Variants in HAS2 observed in about 807,000 individuals in gnomAD.
The protein encoded by HAS2 is HA synthase 2.
A neutral mutation model predicts 51.6 loss-of-function variants in HAS2; 16 were observed. That is an observed-to-expected ratio of 0.31 (90% confidence interval 0.21 to 0.47). The LOEUF (loss-of-function observed/expected upper bound fraction) is 0.47. Among genes scored for constraint, HAS2 ranks in the 20% least tolerant of loss-of-function variants. HAS2 has a pLI of 1.00. For missense variants in HAS2, 361 were observed against 662.6 expected (o/e 0.54, Z 5.00); for synonymous variants, 228 against 235.5 (o/e 0.97, Z 0.29).
intron 1 of HAS2, among the ~76,000 whole-genome samples, chr8:121,630,471 G>T (rs568082222): frequency 9.2e-5 from 14 of 152,112 alleles, no homozygotes; most frequent in Non-Finnish European, 1.5e-4. Context: ...TTAAAGTGGT[G>T]GTTGGCAACC....
At chr8:121,630,381 G>A (rs1201321931) in intron 1 of HAS2, among the ~76,000 whole-genome samples, 1 of 152,210 alleles carries the variant, frequency 6.6e-6, no homozygotes. Flanking sequence ...AACAACTCAA[G>A]GACAAAAGGA....
intron 2 of HAS2, among the ~76,000 whole-genome samples, chr8:121,628,105 T>TGA (rs1812877911): frequency 6.6e-6 from 1 of 152,286 alleles, no homozygotes; most frequent in African/African-American, 2.4e-5. Flanking sequence ...TTGCAGTGAG[T>TGA]GAGGTAATGC....
chr8:121,634,193 T>C (rs1812975816), intron 1 of HAS2, among the ~76,000 whole-genome samples: 1 of 152,100 alleles, frequency 6.6e-6, no homozygotes, highest in African/African-American at 2.4e-5. Context: ...TCCACCCGCC[T>C]CGGCCTCCCA....
intron 2 of HAS2, among the ~76,000 whole-genome samples, chr8:121,619,648 G>T (rs551326511): frequency 1.3e-4 from 20 of 152,224 alleles, no homozygotes; most frequent in Middle Eastern, 3.4e-3. Flanking sequence ...GAACCTAGAA[G>T]AATTCCCCCG....
intron 1 of HAS2, among the ~76,000 whole-genome samples, chr8:121,633,318 A>G (rs1234111004): frequency 6.6e-6 from 1 of 151,738 alleles, no homozygotes; most frequent in East Asian, 1.9e-4. Flanking sequence ...TGTAATTTTT[A>G]TATTTTAGTA....
intron 1 of HAS2, among the ~76,000 whole-genome samples, chr8:121,632,986 T>A (rs1812953721): frequency 6.6e-6 from 1 of 152,200 alleles, no homozygotes; most frequent in South Asian, 2.1e-4. Context: ...ATCCACACAG[T>A]GGCATAAGGC....
At chr8:121,625,968 G>A (rs552699669) in intron 2 of HAS2, among the ~76,000 whole-genome samples, 1 of 152,072 alleles carries the variant, frequency 6.6e-6, no homozygotes, top group African/African-American at 2.4e-5. Context: ...TTCTATGTCA[G>A]CATTAATTAT....
At chr8:121,633,413 G>C (rs1163981687) in intron 1 of HAS2, among the ~76,000 whole-genome samples, 1 of 152,004 alleles carries the variant, frequency 6.6e-6, no homozygotes, top group African/African-American at 2.4e-5. Flanking sequence ...CAAAGTGCTG[G>C]GATTATAGGC....
At position 121,628,888 on chromosome 8, in the gene HAS2, G is replaced by A; in HGVS notation, c.453C>T (p.Asn151=). 1 of 1,614,080 alleles carries A rather than the reference G, an allele frequency of 6.2e-7. No individual in the cohort carries two copies. Among genetic ancestry groups the A allele is most frequent in the Non-Finnish European group, 8.5e-7 (1 of 1,179,964 alleles). Residue 151 remains asparagine, a synonymous_variant, in exon 2 of 4, where the codon AAC becomes AAT. Transcript: ENST00000303924. The stretch of plus-strand genomic sequence containing the variant: ...TCTCACCGGGACCCTTTTCGTGGAA[G>A]TTGTTCTTCCAGATATAAGTGGCTG... ...DKSATYIWKN[N]FHEKGPGETD...
rs1229475473 is a variant in HAS2, at chr8:121,629,050, G to T, written c.291C>A (p.Asp97Glu). ...LCIAAYQEDP[D>E]YLRKCLQSVK... ...CAGATTGCAAACATTTCCTTAAGTA[G>T]TCTGGATCTTCTTGATAGGCAGCGA... The change falls in exon 2 of 4, where the codon GAC becomes GAA. Residue 97 changes from aspartate (D) to glutamate (E), a missense_variant. Asp to Glu is a conservative substitution (Grantham distance 45). Around this residue, in one of 5 missense-constraint regions of HAS2, gnomAD observed 145 missense variants for 217.6 expected, o/e 0.67. Transcript: ENST00000303924. 1.9e-6 allele frequency: 3 copies of T among 1,614,036 alleles called. No homozygotes were observed. Among genetic ancestry groups the T allele is most frequent in the Non-Finnish European group, 2.5e-6 (3 of 1,179,936 alleles).
rs1238913499 is a variant in HAS2, at chr8:121,613,225, C to T, written c.*884G>A. On this transcript the variant is annotated 3_prime_UTR_variant, in exon 4 of 4. Transcript: ENST00000303924. ...TTTAAATCTTAATGAAAAAATTGCA[C>T]TACCTTTGGCCTTGATTTTCAACGA... The T allele has an allele frequency of 6.6e-6, 1 of 152,026 alleles. No individual in the cohort carries two copies. Among genetic ancestry groups the T allele is most frequent in the African/African-American group, 2.4e-5 (1 of 41,386 alleles). The allele number at this position is 152,026 out of a possible 1,614,324, so 9.4% of individuals were successfully genotyped here. A position where few individuals can be genotyped will look rare whatever the true frequency, so the allele number is the denominator to read the frequency against.
chr8:121,617,069 A>G (rs1812713099), intron 3 of HAS2, 36 bp downstream of exon 3: 1 of 1,135,430 alleles, frequency 8.8e-7, no homozygotes, highest in Admixed American at 1.8e-5. Context: ...AAAGTATTTC[A>G]TGCAAAACAA....
intron 1 of HAS2, among the ~76,000 whole-genome samples, chr8:121,634,694 G>A (rs1369974828): frequency 6.6e-6 from 1 of 151,546 alleles, no homozygotes; most frequent in Non-Finnish European, 1.5e-5. Flanking sequence ...TTACTGCAGA[G>A]GCAATGAATA....
rs760864256 is a variant in HAS2, at chr8:121,629,260, T to A, written c.81A>T (p.Thr27=). 3 of 1,613,474 alleles carry A rather than the reference T, an allele frequency of 1.9e-6. No homozygotes were observed. Residue 27 remains threonine (T), a synonymous_variant, in exon 2 of 4, where the codon ACA becomes ACT. Transcript: ENST00000303924. The part of the protein sequence containing the change: ...LFGVSLLLGI[T]AAYIVGYQFI... ...ACTGGTAGCCAACAATATAAGCAGCTGTGATTCCAAGGAGGAGAGAGACTC... is the reference window on the plus strand; with the variant it reads ...ACTGGTAGCCAACAATATAAGCAGCAGTGATTCCAAGGAGGAGAGAGACTC...
intron 1 of HAS2, among the ~76,000 whole-genome samples, chr8:121,631,218 T>A (rs916484145): frequency 2.0e-5 from 3 of 152,230 alleles, no homozygotes; most frequent in African/African-American, 7.2e-5. Context: ...TGCCAAGGAC[T>A]CTTACGTTGG....
In HAS2 at chr8:121,628,901, A is replaced by G. The variant is rs1341637307; in HGVS notation, c.440T>C (p.Ile147Thr). 6.2e-7 allele frequency: 1 copy of G among 1,614,006 alleles called. No individual in the cohort carries two copies. The highest frequency in any genetic ancestry group is 8.5e-7 in the Non-Finnish European group (1 of 1,179,908). Residue 147 changes from isoleucine to threonine, a missense_variant, in exon 2 of 4, where the codon ATC (isoleucine) becomes ACC (threonine). Ile to Thr is a moderately conservative substitution (Grantham distance 89). Around this residue, in one of 5 missense-constraint regions of HAS2, gnomAD observed 145 missense variants for 217.6 expected, o/e 0.67. Coordinates refer to ENST00000303924, the MANE Select transcript of HAS2 (RefSeq NM_005328.3). ...VMGRDKSATY[I>T]WKNNFHEKGP... ...CTTTTCGTGGAAGTTGTTCTTCCAG[A>G]TATAAGTGGCTGATTTGTCTCTGCC... is the stretch of plus-strand genomic sequence containing the variant.
chr8:121,626,944 GCTCTAGC>G (rs1366070080), intron 2 of HAS2, among the ~76,000 whole-genome samples: 1 of 152,112 alleles, frequency 6.6e-6, no homozygotes, highest in Non-Finnish European at 1.5e-5. Flanking sequence ...CCTGATTAGG[GCTCTAGC>G]AGGAGGCCTA....
Position 121,640,445 on chromosome 8 carries a change from G to GT in HAS2, c.-1+407_-1+408insA, listed in dbSNP as rs1563625799. 6.2e-3 allele frequency among the ~76,000 whole-genome samples: 935 copies of GT among 150,948 alleles called. 7 individuals are homozygous for GT. Among genetic ancestry groups the GT allele is most frequent in the Middle Eastern group, 0.021 (6 of 292 alleles). ...AGTGTGTGTGTGTGTGTGTGTGTGT[G>GT]GGAAAAAAAGAAGGGAAGGGGTGGG... is the stretch of plus-strand genomic sequence containing the variant. On this transcript the variant is annotated intron_variant, in intron 1 of 3. Coordinates refer to ENST00000303924, the MANE Select transcript of HAS2 (RefSeq NM_005328.3).
chr8:121,612,762 G>A lies in HAS2; in HGVS notation c.*1347C>T, dbSNP rs544484408. 3 of 152,052 alleles carry A rather than the reference G, an allele frequency of 2.0e-5. No individual in the cohort carries two copies. Among genetic ancestry groups the A allele is most frequent in the East Asian group, 1.9e-4 (1 of 5,170 alleles). The allele number at this position is 152,052 out of a possible 1,614,324, so 9.4% of individuals were successfully genotyped here. ...CTACTGTGTAGACATTTTTATACAG[G>A]TCCAGAACAGGAAATAGGAAGTGAT... On this transcript the variant is annotated 3_prime_UTR_variant, in exon 4 of 4. Coordinates refer to ENST00000303924, the MANE Select transcript of HAS2 (RefSeq NM_005328.3).
Sources: allele counts gnomAD v4.1 joint callset (sites outside exome capture counted in the v4.1 genomes callset), GRCh38; gene constraint gnomAD v4.1.1; regional missense constraint gnomAD v4.1.1; transcripts MANE v1.5; gene names NCBI Gene and HGNC (gene_info 2026-07-23, HGNC 2026-07-21).